Variants in ANK2 observed in about 807,000 individuals in gnomAD.
ANK2 encodes the protein ankyrin 2, also known as ankyrin-2.
Under a neutral mutation model 360.5 loss-of-function variants are expected in ANK2, and 83 were observed. The observed-to-expected ratio is 0.23, with a 90% CI of 0.19 to 0.28. The LOEUF is 0.28. ANK2 is among the 10% of genes least tolerant of loss of function. ANK2 has a pLI of 1.00. For missense variants in ANK2, 4,201 were observed against 4,795.7 expected, an observed-to-expected ratio of 0.88 and a Z score of 3.66; for synonymous variants, 1,740 against 1,759.5, an observed-to-expected ratio of 0.99 and a Z score of 0.28.
chr4:112,855,411 A>T (rs1415447890), intron 1 of ANK2, among the ~76,000 whole-genome samples: 1 of 152,218 alleles, frequency 6.6e-6, no homozygotes, highest in Non-Finnish European at 1.5e-5. Context: ...ATAGCTATTG[A>T]TTATGGTAGT....
At chr4:113,341,555 A>G in intron 32 of ANK2, 133 bp from the exon 33 acceptor site, 1 of 872,550 alleles carries the variant, frequency 1.1e-6, no homozygotes, top group Non-Finnish European at 1.8e-6. Flanking sequence ...GCCTTCTCTC[A>G]TTATCTCCCT....
intron 2 of ANK2, chr4:113,031,367 T>C (rs2154304424): frequency 6.6e-6 from 1 of 152,142 alleles, no homozygotes; most frequent in South Asian, 2.1e-4. Flanking sequence ...TTGCCTTGGA[T>C]CTATTTATTT....
chr4:113,100,245 A>G (rs959940701), intron 1 of ANK2, among the ~76,000 whole-genome samples: 31 of 152,240 alleles, frequency 2.0e-4, no homozygotes, highest in African/African-American at 5.3e-4. Context: ...AATTGTAGCC[A>G]TTATATACAA....
chr4:113,101,266 A>G (rs917163777), intron 1 of ANK2, among the ~76,000 whole-genome samples: 2 of 152,308 alleles, frequency 1.3e-5, no homozygotes, highest in South Asian at 4.1e-4. Context: ...TATCATAATT[A>G]GTTTTTTACA....
intron 4 of ANK2, among the ~76,000 whole-genome samples, chr4:113,216,665 T>C (rs1248024148): frequency 6.6e-6 from 1 of 152,178 alleles, no homozygotes; most frequent in Non-Finnish European, 1.5e-5. Flanking sequence ...GGGGGTACAT[T>C]TTGAAGCCAA....
In ANK2 at chr4:113,327,381, G is replaced by A. The variant is rs570472665; in HGVS notation, c.2901-2865G>A. Reference sequence around the variant, plus strand: ...AGAATATTTAACATTCAGGAGAGTCGTTCCCAACTGCTTTCCTACATCTGA... The same window carrying A: ...AGAATATTTAACATTCAGGAGAGTCATTCCCAACTGCTTTCCTACATCTGA... On this transcript the variant is annotated intron_variant, in intron 26 of 45. Coordinates refer to ENST00000357077, the MANE Select transcript of ANK2 (RefSeq NM_001148.6). Among the ~76,000 whole-genome samples, 79 of 152,242 alleles carry A rather than the reference G, an allele frequency of 5.2e-4. 1 individual carries two copies. Among genetic ancestry groups the A allele is most frequent in the Non-Finnish European group, 7.6e-4 (52 of 68,016 alleles).
Position 113,348,177 on chromosome 4 carries a change from G to T in ANK2, c.4372-99G>T, listed in dbSNP as rs575689324. 57 of 1,206,722 alleles carry T rather than the reference G, an allele frequency of 4.7e-5. No homozygotes were observed. The South Asian group carries it at 6.8e-4, about 14-fold the overall frequency. The allele number at this position is 1,206,722 out of a possible 1,614,324, so 74.8% of individuals were successfully genotyped here. A position where few individuals can be genotyped will look rare whatever the true frequency, so the allele number is the denominator to read the frequency against. The stretch of plus-strand genomic sequence containing the variant: ...ACTGTATGCTTGCCTGTTGATGCTT[G>T]TTGAAAGGGTATTTATTTACTCTTT... On this transcript the variant is annotated intron_variant, in intron 35 of 45. Coordinates refer to ENST00000357077, the MANE Select transcript of ANK2 (RefSeq NM_001148.6).
chr4:113,206,491 T>C lies in ANK2; in HGVS notation c.384+7382T>C, dbSNP rs894377325. On this transcript the variant is annotated intron_variant, in intron 4 of 45. Transcript: ENST00000357077. ...AATAAGGGTCTTGTTTTTTTTTCCATTGGGAGTATTACTATCTGTAATACA... is the reference window on the plus strand; with the variant it reads ...AATAAGGGTCTTGTTTTTTTTTCCACTGGGAGTATTACTATCTGTAATACA... Among the ~76,000 whole-genome samples the C allele has an allele frequency of 4.6e-5, 7 of 152,204 alleles. 1 individual carries two copies. Among genetic ancestry groups the C allele is most frequent in the Admixed American group, 6.5e-5 (1 of 15,294 alleles).
chr4:112,948,144 G>C (rs1368272693), intron 2 of ANK2, among the ~76,000 whole-genome samples: 2 of 152,094 alleles, frequency 1.3e-5, no homozygotes, highest in African/African-American at 4.8e-5. Flanking sequence ...AGTGTTTGTA[G>C]GTTGTGGGTA....
chr4:113,251,772 A>G (rs58084858), intron 10 of ANK2, among the ~76,000 whole-genome samples: 7,954 of 151,890 alleles, frequency 0.052, 250 homozygotes, highest in African/African-American at 0.076. Context: ...ATGAGCCACC[A>G]CGCCTGGCCA....
intron 3 of ANK2, among the ~76,000 whole-genome samples, chr4:113,198,537 A>G (rs539707259): frequency 6.6e-6 from 1 of 152,250 alleles, no homozygotes; most frequent in South Asian, 2.1e-4. Flanking sequence ...TTCCCAACAT[A>G]TTCTCAAGTG....
intron 2 of ANK2, among the ~76,000 whole-genome samples, chr4:112,994,354 G>A (rs1256719403): frequency 3.3e-5 from 5 of 152,084 alleles, no homozygotes; most frequent in Admixed American, 3.3e-4. Context: ...ATAAATGGAT[G>A]GACACAATTC....
chr4:113,136,230 C>A (rs1341280668), intron 1 of ANK2, among the ~76,000 whole-genome samples: 1 of 152,130 alleles, frequency 6.6e-6, no homozygotes, highest in African/African-American at 2.4e-5. Flanking sequence ...TACAGGGTAA[C>A]AATCATCCTG....
At chr4:113,057,711 A>G (rs547307423) in intron 1 of ANK2, among the ~76,000 whole-genome samples, 9 of 152,220 alleles carry the variant, frequency 5.9e-5, no homozygotes, top group Admixed American at 5.9e-4. Flanking sequence ...TAAGCCTCCA[A>G]ATTAACAAGA....
intron 1 of ANK2, among the ~76,000 whole-genome samples, chr4:113,090,584 G>A (rs773141588): frequency 1.7e-4 from 26 of 152,080 alleles, no homozygotes; most frequent in Non-Finnish European, 8.8e-5. Flanking sequence ...CTTAAGTTGC[G>A]TTCTCTACCA....
intron 22 of ANK2, among the ~76,000 whole-genome samples, chr4:113,297,726 G>GTA (rs1452941610): frequency 2.0e-5 from 3 of 151,902 alleles, no homozygotes; most frequent in East Asian, 3.8e-4. Flanking sequence ...ATTATATTAT[G>GTA]TATATATATG....
intron 2 of ANK2, among the ~76,000 whole-genome samples, chr4:112,934,938 A>G (rs1380889383): frequency 6.6e-6 from 1 of 152,194 alleles, no homozygotes; most frequent in Non-Finnish European, 1.5e-5. Context: ...TTGAGTAGAG[A>G]TCTGAAGGGA....
At chr4:113,372,224 T>C (rs992584562) in intron 43 of ANK2, among the ~76,000 whole-genome samples, 2 of 151,924 alleles carry the variant, frequency 1.3e-5, no homozygotes, top group African/African-American at 4.8e-5. Flanking sequence ...TTTTTAGGAG[T>C]TTAAGTAAAA....
chr4:112,939,039 G>T (rs1391104356), intron 2 of ANK2, among the ~76,000 whole-genome samples: 2 of 152,096 alleles, frequency 1.3e-5, no homozygotes, highest in Non-Finnish European at 2.9e-5. Context: ...ATGAAAACAA[G>T]TTTGTCAGAG....
Sources: gnomAD v4.1 joint callset for allele counts (sites outside exome capture counted in the v4.1 genomes callset) on GRCh38, gnomAD v4.1.1 for gene constraint, MANE v1.5 for transcripts, NCBI Gene and HGNC (gene_info 2026-07-23, HGNC 2026-07-21) for gene names.